The following TRAPPC9 variants were observed in gnomAD, a reference collection of about 807,000 sequenced individuals.
TRAPPC9 encodes the protein trafficking protein particle complex subunit 9, also known as IKK2 binding protein.
In TRAPPC9, 83 loss-of-function variants were observed where a neutral mutation model predicts 124.0. The ratio of observed to expected loss-of-function variants is 0.67; its 90% CI spans 0.56 to 0.80. The LOEUF is 0.80. Among genes scored for constraint, TRAPPC9 ranks in the 30% least tolerant of loss-of-function variants. TRAPPC9 has a pLI of 0.00. For missense variants in TRAPPC9, 1,302 were observed against 1,508.3 expected (o/e 0.86, Z 2.27); for synonymous variants, 638 against 617.5 (o/e 1.03, Z -0.49).
chr8:140,451,958 T>TA (rs1404419867), intron 1 of TRAPPC9, among the ~76,000 whole-genome samples: 2 of 151,984 alleles, frequency 1.3e-5, no homozygotes, highest in Non-Finnish European at 2.9e-5. Flanking sequence ...CCACCTATAC[T>TA]AAAAATACAA....
chr8:140,065,110 T>C (rs141314675), intron 17 of TRAPPC9, among the ~76,000 whole-genome samples: 2 of 152,342 alleles, frequency 1.3e-5, no homozygotes, highest in Non-Finnish European at 2.9e-5. Flanking sequence ...CAACTTGTAT[T>C]GATGCTCCTT....
At chr8:140,066,984 T>A (rs1270772633) in intron 17 of TRAPPC9, among the ~76,000 whole-genome samples, 1 of 152,208 alleles carries the variant, frequency 6.6e-6, no homozygotes, top group East Asian at 1.9e-4. Flanking sequence ...AGGGAAAACA[T>A]CTGTAAGGAC....
intron 17 of TRAPPC9, among the ~76,000 whole-genome samples, chr8:140,067,975 T>C (rs925240695): frequency 1.3e-5 from 2 of 151,524 alleles, no homozygotes; most frequent in Non-Finnish European, 2.9e-5. Flanking sequence ...GCAGGCATGT[T>C]TTCTCATTAG....
chr8:139,853,335 T>C (rs190927030), intron 21 of TRAPPC9, among the ~76,000 whole-genome samples: 404 of 152,302 alleles, frequency 2.7e-3, no homozygotes, highest in Admixed American at 4.2e-3. Context: ...ATCAGAGGCA[T>C]TTTCCAAATC....
chr8:140,043,674 C>CACCAGT (rs1195820940), intron 17 of TRAPPC9, among the ~76,000 whole-genome samples: 8 of 152,202 alleles, frequency 5.3e-5, no homozygotes, highest in African/African-American at 1.7e-4. Flanking sequence ...GCTGGGCCAA[C>CACCAGT]ACCAGTGTTT....
At chr8:140,106,207 C>A (rs964770987) in intron 17 of TRAPPC9, among the ~76,000 whole-genome samples, 13 of 152,136 alleles carry the variant, frequency 8.5e-5, no homozygotes, top group African/African-American at 3.1e-4. Flanking sequence ...GAACAACAGC[C>A]ATCAGATCGT....
At chr8:139,843,295 C>A (rs968359599) in intron 21 of TRAPPC9, among the ~76,000 whole-genome samples, 9 of 152,178 alleles carry the variant, frequency 5.9e-5, no homozygotes, top group Non-Finnish European at 8.8e-5. Context: ...AGCAGGAGGG[C>A]GGCAGGGCTG....
At chr8:139,801,162 G>T (rs888257426) in intron 21 of TRAPPC9, among the ~76,000 whole-genome samples, 2 of 152,202 alleles carry the variant, frequency 1.3e-5, no homozygotes. Context: ...GATAGGATGG[G>T]TATCTCCACA....
chr8:139,760,365 C>T (rs74336894), intron 21 of TRAPPC9, among the ~76,000 whole-genome samples: 2 of 152,196 alleles, frequency 1.3e-5, no homozygotes, highest in African/African-American at 2.4e-5. Flanking sequence ...GGCCAAGATG[C>T]GCTCTGCTTG....
intron 18 of TRAPPC9, among the ~76,000 whole-genome samples, chr8:139,993,352 C>T (rs1440621096): frequency 1.3e-5 from 2 of 152,116 alleles, no homozygotes; most frequent in African/African-American, 4.8e-5. Flanking sequence ...TGGAAATAAA[C>T]CCCAAGAGTA....
chr8:139,866,329 A>T (rs570415183), intron 21 of TRAPPC9, among the ~76,000 whole-genome samples: 1 of 152,312 alleles, frequency 6.6e-6, no homozygotes, highest in African/African-American at 2.4e-5. Flanking sequence ...GCTGAGGAGG[A>T]AGTCCATTCA....
chr8:140,378,736 A>G lies in TRAPPC9; in HGVS notation c.1135-7556T>C, dbSNP rs2068520281. ...CGTTTAGGGGATCTTGGCTTTACAC[A>G]TGGGTCTGCCATCCAACTCCCAAGT... On this transcript the variant is annotated intron_variant, in intron 7 of 22. Coordinates refer to ENST00000438773, the MANE Select transcript of TRAPPC9 (RefSeq NM_001160372.4). Among the ~76,000 whole-genome samples the G allele has an allele frequency of 2.0e-5, 3 of 151,944 alleles. No homozygotes were observed. The South Asian group carries it at 6.2e-4, about 32-fold the overall frequency.
At chr8:139,774,403 C>T (rs537344960) in intron 21 of TRAPPC9, among the ~76,000 whole-genome samples, 9 of 152,232 alleles carry the variant, frequency 5.9e-5, no homozygotes, top group South Asian at 2.1e-4. Flanking sequence ...TGCACGGGTG[C>T]GTGCAAGTGT....
At chr8:139,763,585 A>T (rs886321166) in intron 21 of TRAPPC9, among the ~76,000 whole-genome samples, 1 of 150,702 alleles carries the variant, frequency 6.6e-6, no homozygotes, top group Non-Finnish European at 1.5e-5. Flanking sequence ...GAAACCAGAA[A>T]ACAAACAAGC....
rs2067644860 is a variant in TRAPPC9, at chr8:140,353,408, T to C, written c.1495+6642A>G. On this transcript the variant is annotated intron_variant, in intron 9 of 22. Transcript: ENST00000438773. This position sits in a 1 kb window ranked among gnomAD's most constrained non-coding sequence, Gnocchi z 4.2. The stretch of plus-strand genomic sequence containing the variant: ...TTTTTTCCCCTTCTTTTCGTAAGTA[T>C]TGATAACCGCACTTCACTCACAGTA... Among the ~76,000 whole-genome samples, 1 of 152,170 alleles carries C rather than the reference T, an allele frequency of 6.6e-6. No individual in the cohort carries two copies. Among genetic ancestry groups the C allele is most frequent in the South Asian group, 2.1e-4 (1 of 4,830 alleles).
chr8:140,170,036 CTA>C (rs1563814562), intron 17 of TRAPPC9, among the ~76,000 whole-genome samples: 1 of 152,138 alleles, frequency 6.6e-6, no homozygotes, highest in East Asian at 1.9e-4. Context: ...CTGTGCCCTG[CTA>C]TATATGAGTC....
intron 14 of TRAPPC9, 63 bp from the exon 15 acceptor site, chr8:140,275,884 A>G: frequency 3.0e-6 from 4 of 1,340,314 alleles, no homozygotes; most frequent in Non-Finnish European, 4.2e-6. Flanking sequence ...TTTGAAAATT[A>G]CTCACTTCCC....
rs1408582197 is a variant in TRAPPC9 at position 140,090,283 on chromosome 8, C to T, written c.2557-66204G>A. ...TCACACCAATATATACACACGGAAA[C>T]ACACTGTTCACCTGGCACCAGACAC... On this transcript the variant is annotated intron_variant, in intron 17 of 22. Transcript: ENST00000438773. 2.6e-5 allele frequency among the ~76,000 whole-genome samples: 4 copies of T among 152,056 alleles called. No individual in the cohort carries two copies. The East Asian group carries it at 7.7e-4, about 29-fold the overall frequency.
intron 9 of TRAPPC9, among the ~76,000 whole-genome samples, chr8:140,339,487 A>G (rs80318944): frequency 0.02 from 3,012 of 152,266 alleles, 109 homozygotes; most frequent in African/African-American, 0.069. Context: ...CAATTCCTAC[A>G]CTTTTTATAA....
Sources: allele counts gnomAD v4.1 joint callset (sites outside exome capture counted in the v4.1 genomes callset), GRCh38; gene constraint gnomAD v4.1.1; non-coding constraint Gnocchi (gnomAD v3.1); transcripts MANE v1.5; gene names NCBI Gene and HGNC (gene_info 2026-07-23, HGNC 2026-07-21).